BARD1: variants seen among roughly 807,000 people sequenced by gnomAD.
BARD1 encodes BRCA1-associated RING domain protein 1.
Under a neutral mutation model 77.0 loss-of-function variants are expected in BARD1, and 73 were observed. The ratio of observed to expected loss-of-function variants is 0.95; its 90% CI spans 0.79 to 1.15. BARD1 has a LOEUF of 1.15. Ranked by LOEUF, BARD1 falls within the 50% of genes most tolerant of loss-of-function variation. The pLI, the probability that BARD1 is intolerant of heterozygous loss-of-function variation, is 0.00. For missense variants in BARD1, 993 were observed against 938.8 expected, an observed-to-expected ratio of 1.06 and a Z score of -0.75; for synonymous variants, 384 against 338.0, an observed-to-expected ratio of 1.14 and a Z score of -1.49.
At chr2:214,790,979 T>C (rs1186964254) in intron 3 of BARD1, among the ~76,000 whole-genome samples, 1 of 152,108 alleles carries the variant, frequency 6.6e-6, no homozygotes, top group East Asian at 1.9e-4. Context: ...AACTAGAAAA[T>C]AAACATTGTC....
At chr2:214,767,217 A>T (rs1177190863) in intron 6 of BARD1, among the ~76,000 whole-genome samples, 2 of 152,104 alleles carry the variant, frequency 1.3e-5, no homozygotes, top group Non-Finnish European at 2.9e-5. Context: ...TTTTTATCCG[A>T]TCTGTCATTG....
Position 214,785,224 on chromosome 2 carries a change from C to T in BARD1, c.365-3715G>A, listed in dbSNP as rs944583466. 2.6e-5 allele frequency among the ~76,000 whole-genome samples: 4 copies of T among 152,042 alleles called. No homozygotes were observed. The South Asian group carries it at 6.2e-4, about 24-fold the overall frequency. On this transcript the variant is annotated intron_variant, in intron 3 of 10. Coordinates refer to ENST00000260947, the MANE Select transcript of BARD1 (RefSeq NM_000465.4). ...TTGTTTTACAGTTTAATTCACAGGC[C>T]TCCATACAATGAACCTAAGAGTGTA...
At chr2:214,804,153 A>G (rs989652999) in intron 1 of BARD1, among the ~76,000 whole-genome samples, 29 of 152,224 alleles carry the variant, frequency 1.9e-4, no homozygotes, top group African/African-American at 7.0e-4. Flanking sequence ...GTGCAGGCTC[A>G]CCAAGCCAAT....
In BARD1 at chr2:214,726,419, C is replaced by G. The variant is rs1222772071; in HGVS notation, c.*2257G>C. 2 of 209,076 alleles carry G rather than the reference C, an allele frequency of 9.6e-6. No homozygotes were observed. The highest frequency in any genetic ancestry group is 1.5e-4 in the East Asian group (2 of 13,590). 13.0% of individuals were successfully genotyped at this position (209,076 alleles called of 1,614,324 possible). A position where few individuals can be genotyped will look rare whatever the true frequency, so the allele number is the denominator to read the frequency against. ...TCAGTGTGTAATTGTTTCTTAATGA[C>G]TATTCCAAACTATCAAAGTTATACT... On this transcript the variant is annotated 3_prime_UTR_variant, in exon 11 of 11. Coordinates refer to ENST00000260947, the MANE Select transcript of BARD1 (RefSeq NM_000465.4).
intron 6 of BARD1, among the ~76,000 whole-genome samples, chr2:214,760,353 C>T (rs756425403): frequency 2.0e-5 from 3 of 152,106 alleles, no homozygotes; most frequent in African/African-American, 4.8e-5. Flanking sequence ...CCGCCACACC[C>T]GGCTAATTTT....
chr2:214,728,673 T>C lies in BARD1; in HGVS notation c.*3A>G. 6.2e-7 allele frequency: 1 copy of C among 1,613,942 alleles called. No individual in the cohort carries two copies. The highest frequency in any genetic ancestry group is 8.5e-7 in the Non-Finnish European group (1 of 1,179,922). On this transcript the variant is annotated 3_prime_UTR_variant, in exon 11 of 11. Coordinates refer to ENST00000260947, the MANE Select transcript of BARD1 (RefSeq NM_000465.4). ...AATTTGAAATGTTCATCTGGTATAA[T>C]ATTCAGCTGTCAAGAGGAAGCAACT...
chr2:214,799,909 A>C (rs1380728126), intron 1 of BARD1, among the ~76,000 whole-genome samples: 1 of 152,206 alleles, frequency 6.6e-6, no homozygotes, highest in African/African-American at 2.4e-5. Flanking sequence ...CCACTCTGGG[A>C]AACAGCACTG....
intron 4 of BARD1, among the ~76,000 whole-genome samples, chr2:214,773,032 G>A (rs3820726): frequency 0.18 from 27,512 of 152,090 alleles, 2,692 homozygotes; most frequent in East Asian, 0.42. Flanking sequence ...GTATTTTCAA[G>A]TAATACACTG....
chr2:214,778,368 A>G (rs932683912), intron 4 of BARD1, among the ~76,000 whole-genome samples: 47 of 152,266 alleles, frequency 3.1e-4, no homozygotes, highest in Middle Eastern at 3.4e-3. Flanking sequence ...AACAATAAAA[A>G]TTAACTTTTA....
chr2:214,755,188 C>G (rs1402692674), intron 6 of BARD1, among the ~76,000 whole-genome samples: 1 of 152,178 alleles, frequency 6.6e-6, no homozygotes, highest in Non-Finnish European at 1.5e-5. Flanking sequence ...GAACTATTAA[C>G]ATGACTTATT....
chr2:214,808,998 C>T (rs562368538), intron 1 of BARD1, among the ~76,000 whole-genome samples: 2 of 152,344 alleles, frequency 1.3e-5, no homozygotes, highest in South Asian at 4.1e-4. Flanking sequence ...GTCTCCGGGG[C>T]GGCCCGCCAG....
intron 9 of BARD1, among the ~76,000 whole-genome samples, chr2:214,736,121 G>A (rs116505081): frequency 4.1e-4 from 63 of 151,960 alleles, no homozygotes; most frequent in African/African-American, 1.5e-3. Context: ...TCTAAAAAAG[G>A]CATAAATTTT....
rs183449381 is a variant in BARD1, at chr2:214,789,880, T to C, written c.364+2417A>G. Among the ~76,000 whole-genome samples, 291 of 152,234 alleles carry C rather than the reference T, an allele frequency of 1.9e-3. 3 individuals are homozygous for C. Among genetic ancestry groups the C allele is most frequent in the Admixed American group, 0.013 (198 of 15,282 alleles). ...TGCTTAAGTCTGGTAAGGACTAAAA[T>C]AATTATTCCTAATTATAATAAGGAA... On this transcript the variant is annotated intron_variant, in intron 3 of 10. Coordinates refer to ENST00000260947, the MANE Select transcript of BARD1 (RefSeq NM_000465.4).
At chr2:214,746,611 TAA>T (rs1693129557) in intron 7 of BARD1, among the ~76,000 whole-genome samples, 1 of 152,090 alleles carries the variant, frequency 6.6e-6, no homozygotes, top group Non-Finnish European at 1.5e-5. Context: ...TATATTTCCA[TAA>T]AAGTGTTTGT....
At chr2:214,775,802 G>C (rs888213333) in intron 4 of BARD1, among the ~76,000 whole-genome samples, 1 of 152,184 alleles carries the variant, frequency 6.6e-6, no homozygotes, top group Admixed American at 6.5e-5. Flanking sequence ...AGTGACAGAG[G>C]AGAAAAATAG....
intron 10 of BARD1, 58 bp from the exon 11 acceptor site, chr2:214,729,066 C>A: frequency 6.7e-7 from 1 of 1,495,950 alleles, no homozygotes; most frequent in Non-Finnish European, 9.3e-7. Flanking sequence ...TTCAAAAACA[C>A]TGTATATGAA....
chr2:214,776,091 C>A (rs1436829664), intron 4 of BARD1, among the ~76,000 whole-genome samples: 1 of 152,168 alleles, frequency 6.6e-6, no homozygotes, highest in African/African-American at 2.4e-5. Flanking sequence ...AAAACATTAT[C>A]TATTATGTCT....
chr2:214,779,078 G>A (rs190138621), intron 4 of BARD1, among the ~76,000 whole-genome samples: 9 of 152,126 alleles, frequency 5.9e-5, no homozygotes, highest in Admixed American at 3.9e-4. Context: ...TGTTAAGTCA[G>A]GCTTTGCAAA....
At chr2:214,780,431 T>C in intron 4 of BARD1, 129 bp downstream of exon 4, 1 of 824,356 alleles carries the variant, frequency 1.2e-6, no homozygotes, top group Non-Finnish European at 2.0e-6. Context: ...CTTCTCTGGT[T>C]CAGAGGAAGT....
Sources: gnomAD v4.1 joint callset for allele counts (sites outside exome capture counted in the v4.1 genomes callset) on GRCh38, gnomAD v4.1.1 for gene constraint, MANE v1.5 for transcripts, NCBI Gene and HGNC (gene_info 2026-07-23, HGNC 2026-07-21) for gene names.